HOMER2: variants seen among roughly 807,000 people sequenced by gnomAD.
HOMER2 encodes homer protein homolog 2.
A neutral mutation model predicts 47.0 loss-of-function variants in HOMER2; 27 were observed. The observed-to-expected ratio is 0.57, with a 90% CI of 0.42 to 0.79. The LOEUF (loss-of-function observed/expected upper bound fraction) is 0.79. HOMER2 is among the 30% of genes least tolerant of loss of function. The pLI is 0.00. For missense variants in HOMER2, 443 were observed against 435.0 expected, an observed-to-expected ratio of 1.02 and a Z score of -0.16; for synonymous variants, 161 against 163.8, an observed-to-expected ratio of 0.98 and a Z score of 0.13.
At position 82,937,507 on chromosome 15, in the gene HOMER2, C is replaced by T. The variant is rs890739000; in HGVS notation, c.5+15024G>A. ...ACACTGCCTCTGCCCTCCAGGTCAGCACATTAATGTTCGTTCCCTCCAAGA... is the reference window on the plus strand; with the variant it reads ...ACACTGCCTCTGCCCTCCAGGTCAGTACATTAATGTTCGTTCCCTCCAAGA... On this transcript the variant is annotated intron_variant, in intron 1 of 8. Transcript: ENST00000450735. Among the ~76,000 whole-genome samples, 3 of 152,104 alleles carry T rather than the reference C, an allele frequency of 2.0e-5. No homozygotes were observed. The Admixed American group carries it at 2.0e-4, about 10-fold the overall frequency.
chr15:82,974,867 C>T (rs1332401047), intron 1 of HOMER2, among the ~76,000 whole-genome samples: 2 of 152,100 alleles, frequency 1.3e-5, no homozygotes, highest in Non-Finnish European at 2.9e-5. Flanking sequence ...GTCAGGAGTT[C>T]GACACCAGCC....
chr15:82,897,809 A>C (rs1284153862), intron 1 of HOMER2, among the ~76,000 whole-genome samples: 1 of 152,332 alleles, frequency 6.6e-6, no homozygotes, highest in East Asian at 1.9e-4. Context: ...ATGAGCTTGG[A>C]AGCAGATCTT....
chr15:82,891,183 G>A (rs2052693593), intron 2 of HOMER2, among the ~76,000 whole-genome samples: 1 of 152,132 alleles, frequency 6.6e-6, no homozygotes, highest in African/African-American at 2.4e-5. Flanking sequence ...TACCAGCCAG[G>A]AGAAGCCTGC....
At chr15:82,870,795 T>C (rs2052150242) in intron 3 of HOMER2, among the ~76,000 whole-genome samples, 1 of 152,146 alleles carries the variant, frequency 6.6e-6, no homozygotes, top group South Asian at 2.1e-4. Flanking sequence ...CTGAAGTGGG[T>C]CAAAAGCAAA....
intron 3 of HOMER2, among the ~76,000 whole-genome samples, chr15:82,874,670 C>T (rs143482258): frequency 1.4e-4 from 22 of 152,298 alleles, no homozygotes; most frequent in African/African-American, 4.1e-4. Flanking sequence ...TTTTAAGGCA[C>T]GTGGGGAGTC....
Position 82,913,466 on chromosome 15 carries a change from G to A in HOMER2, c.6-20625C>T, listed in dbSNP as rs561909262. 1.3e-5 allele frequency among the ~76,000 whole-genome samples: 2 copies of A among 152,292 alleles called. No homozygotes were observed. Among genetic ancestry groups the A allele is most frequent in the South Asian group, 4.1e-4 (2 of 4,822 alleles). On this transcript the variant is annotated intron_variant, in intron 1 of 8. Coordinates refer to ENST00000450735, the MANE Select transcript of HOMER2 (RefSeq NM_004839.4). This position sits in a 1 kb window ranked among gnomAD's most constrained non-coding sequence, Gnocchi z 4.1. ...TCCTAACCAATGGTGCCTACCAGCA[G>A]AGCCTGAGAGTCTGACCTACTGCCT... is the stretch of plus-strand genomic sequence containing the variant.
rs761597747 is a variant in HOMER2, at chr15:82,890,784, A to G, written c.162+1901T>C. On this transcript the variant is annotated intron_variant, in intron 2 of 8. Coordinates refer to ENST00000450735, the MANE Select transcript of HOMER2 (RefSeq NM_004839.4). ...AAGTACAAACCCATCGAAGGATGGC[A>G]GATGAACTGGCAGAATCTATAGATA... Among the ~76,000 whole-genome samples the G allele has an allele frequency of 1.5e-4, 23 of 152,246 alleles. 1 individual carries two copies. The highest frequency in any genetic ancestry group is 2.8e-4 in the Non-Finnish European group (19 of 68,044).
chr15:82,870,168 T>C (rs184515084), intron 3 of HOMER2, among the ~76,000 whole-genome samples: 154 of 152,368 alleles, frequency 1.0e-3, no homozygotes, highest in African/African-American at 3.5e-3. Flanking sequence ...GTTTGTTTAT[T>C]CAAAATCTGT....
chr15:82,846,068 A>AGCTGCTCCCACCACTGAGCAAG (rs1412608100), downstream of HOMER2: 12 of 152,386 alleles, frequency 7.9e-5, no homozygotes, highest in Middle Eastern at 3.4e-3. Context: ...GTCCCGTTCA[A>AGCTGCTCCCACCACTGAGCAAG]GCTGCTCCCA....
chr15:82,875,793 TTA>T (rs2052330670), intron 2 of HOMER2, among the ~76,000 whole-genome samples: 1 of 152,228 alleles, frequency 6.6e-6, no homozygotes, highest in Non-Finnish European at 1.5e-5. Context: ...CTATGTCGCT[TTA>T]TGAGTCACCT....
chr15:82,934,460 G>A (rs75536287), intron 1 of HOMER2, among the ~76,000 whole-genome samples: 1,638 of 152,082 alleles, frequency 0.011, 8 homozygotes, highest in Non-Finnish European at 0.016. Context: ...CTTAAAACAT[G>A]AGCTGCAGAT....
Position 82,875,397 on chromosome 15 carries a change from A to T in HOMER2, c.170T>A (p.Ile57Lys), listed in dbSNP as rs1567027848. 2 of 1,613,882 alleles carry T rather than the reference A, an allele frequency of 1.2e-6. No homozygotes were observed. Among genetic ancestry groups the T allele is most frequent in the Non-Finnish European group, 1.7e-6 (2 of 1,179,846 alleles). Residue 57 changes from isoleucine (I) to lysine (K), a missense_variant, in exon 3 of 9, where the codon ATA becomes AAA. Coordinates refer to ENST00000450735, the MANE Select transcript of HOMER2 (RefSeq NM_004839.4). ...IISVDGAKVI[I>K]NSTITPNMTF... ...CATATTCGGTGTGATTGTGCTGTTT[A>T]TGATCACCTGCAGAAAAACAGCCCA...
At chr15:82,837,504 C>T (rs2051138772) in exon 2 of HOMER2, 1 of 152,158 alleles carries the variant, frequency 6.6e-6, no homozygotes, top group Non-Finnish European at 1.5e-5. Context: ...TGCTACTACA[C>T]AAAAGTCAGA....
chr15:82,898,618 T>C (rs754770317), intron 1 of HOMER2, among the ~76,000 whole-genome samples: 17 of 152,220 alleles, frequency 1.1e-4, no homozygotes, highest in Non-Finnish European at 2.4e-4. Context: ...CTGACAGTAA[T>C]TGTTCCCAAG....
chr15:82,922,821 C>T (rs2053764046), intron 1 of HOMER2, among the ~76,000 whole-genome samples: 1 of 152,146 alleles, frequency 6.6e-6, no homozygotes, highest in African/African-American at 2.4e-5. Context: ...ATCCCTGCAC[C>T]CAACCTACAG....
At chr15:82,871,359 G>A (rs1194458558) in intron 3 of HOMER2, among the ~76,000 whole-genome samples, 2 of 152,172 alleles carry the variant, frequency 1.3e-5, no homozygotes, top group Non-Finnish European at 2.9e-5. Flanking sequence ...TAGTTATAGT[G>A]CTTGATTACC....
intron 4 of HOMER2, among the ~76,000 whole-genome samples, chr15:82,860,636 T>C (rs2051743040): frequency 6.6e-6 from 1 of 151,802 alleles, no homozygotes; most frequent in African/African-American, 2.4e-5. Context: ...ATCTCACTAG[T>C]AAAGAAGTAC....
In HOMER2 at chr15:82,928,940, T is replaced by TAAAAAAAAAAAAAAAAA; in HGVS notation, c.5+23574_5+23590dup. Among the ~76,000 whole-genome samples, 42 of 39,910 alleles carry TAAAAAAAAAAAAAAAAA rather than the reference T, an allele frequency of 1.1e-3. 7 individuals carry two copies. Among genetic ancestry groups the TAAAAAAAAAAAAAAAAA allele is most frequent in the African/African-American group, 3.7e-3 (24 of 6,474 alleles). 26.2% of individuals were successfully genotyped at this position (39,910 alleles called of 152,430 possible). A position where few individuals can be genotyped will look rare whatever the true frequency, so the allele number is the denominator to read the frequency against. On this transcript the variant is annotated intron_variant, in intron 1 of 8. Coordinates refer to ENST00000450735, the MANE Select transcript of HOMER2 (RefSeq NM_004839.4). ...TAACAACTGGCAAAAAAATAAAAAC[T>TAAAAAAAAAAAAAAAAA]AAAAAAAAAAAAAAAAAAAAGCTGT...
intron 1 of HOMER2, among the ~76,000 whole-genome samples, chr15:82,985,035 G>T (rs1367536859): frequency 6.6e-6 from 1 of 152,180 alleles, no homozygotes; most frequent in Non-Finnish European, 1.5e-5. Context: ...AGGTAGAGAT[G>T]TCACTTTCTA....
Sources: allele counts gnomAD v4.1 joint callset (sites outside exome capture counted in the v4.1 genomes callset), GRCh38; gene constraint gnomAD v4.1.1; non-coding constraint Gnocchi (gnomAD v3.1); transcripts MANE v1.5; gene names NCBI Gene and HGNC (gene_info 2026-07-23, HGNC 2026-07-21).